Variants in MRTFA observed in about 807,000 individuals in gnomAD.
MRTFA encodes the protein myocardin related transcription factor A.
Under a neutral mutation model 83.5 loss-of-function variants are expected in MRTFA, and 20 were observed. That is an observed-to-expected ratio of 0.24 (90% confidence interval 0.17 to 0.35). The LOEUF is 0.35. Ranked by LOEUF, MRTFA falls within the 10% of genes least tolerant of loss-of-function variation. MRTFA has a pLI of 1.00. For synonymous variants in MRTFA, 659 were observed against 541.2 expected, an observed-to-expected ratio of 1.22 and a Z score of -3.02; for missense variants, 1,200 against 1,224.7, an observed-to-expected ratio of 0.98 and a Z score of 0.30.
At chr22:40,551,469 T>C (rs1400523986) in intron 3 of MRTFA, among the ~76,000 whole-genome samples, 1 of 152,118 alleles carries the variant, frequency 6.6e-6, no homozygotes, top group East Asian at 1.9e-4. Flanking sequence ...CCTAGTTCAA[T>C]CGATCCTCCC....
chr22:40,425,750 C>G (rs926782346), intron 7 of MRTFA, among the ~76,000 whole-genome samples: 2 of 152,246 alleles, frequency 1.3e-5, no homozygotes, highest in African/African-American at 4.8e-5. Flanking sequence ...GGGACAGCAG[C>G]CCCATGGCAG....
chr22:40,557,019 T>C (rs903355384), intron 2 of MRTFA, among the ~76,000 whole-genome samples: 3 of 152,190 alleles, frequency 2.0e-5, no homozygotes, highest in African/African-American at 7.2e-5. Flanking sequence ...TCATTATGGA[T>C]TGTAAGAGTT....
intron 1 of MRTFA, among the ~76,000 whole-genome samples, chr22:40,622,390 A>C (rs1343570641): frequency 6.6e-6 from 1 of 150,844 alleles, no homozygotes; most frequent in African/African-American, 2.4e-5. Context: ...CTGAGGCAGG[A>C]GAATCACTTA....
chr22:40,411,260 G>A lies in MRTFA; in HGVS notation c.*130C>T, dbSNP rs970170051. 2.8e-5 allele frequency: 29 copies of A among 1,027,814 alleles called. No homozygotes were observed. The highest frequency in any genetic ancestry group is 3.2e-5 in the Non-Finnish European group (23 of 722,080). 63.7% of individuals were successfully genotyped at this position (1,027,814 alleles called of 1,614,324 possible). ...GGCTTCTCTGTTCTAGCCTCCCAGGGAAGGGAAAAAGCAGGGGCTGTGATT... is the reference window on the plus strand; with the variant it reads ...GGCTTCTCTGTTCTAGCCTCCCAGGAAAGGGAAAAAGCAGGGGCTGTGATT... On this transcript the variant is annotated 3_prime_UTR_variant, in exon 15 of 15. Coordinates refer to ENST00000355630, the MANE Select transcript of MRTFA (RefSeq NM_020831.6).
intron 2 of MRTFA, among the ~76,000 whole-genome samples, chr22:40,576,821 CT>C (rs935169532): frequency 8.5e-5 from 13 of 152,180 alleles, no homozygotes; most frequent in African/African-American, 2.4e-4. Context: ...TGGCTCACAC[CT>C]GTAATCCCAA....
At chr22:40,531,889 G>C (rs1415264791) in intron 3 of MRTFA, among the ~76,000 whole-genome samples, 1 of 152,150 alleles carries the variant, frequency 6.6e-6, no homozygotes, top group Non-Finnish European at 1.5e-5. Context: ...TGATCATATA[G>C]GAGACAGGTA....
At chr22:40,546,927 G>A (rs972788048) in intron 3 of MRTFA, among the ~76,000 whole-genome samples, 15 of 152,088 alleles carry the variant, frequency 9.9e-5, no homozygotes, top group African/African-American at 2.4e-4. Flanking sequence ...AGGCCGAGGC[G>A]GGAGGATCAC....
At chr22:40,578,853 G>A (rs1029389708) in intron 2 of MRTFA, among the ~76,000 whole-genome samples, 2 of 150,150 alleles carry the variant, frequency 1.3e-5, no homozygotes, top group African/African-American at 4.8e-5. Flanking sequence ...AGCCCAGGAA[G>A]TCAAGGCTGC....
chr22:40,508,020 G>C (rs1303816538), intron 3 of MRTFA, among the ~76,000 whole-genome samples: 1 of 134,124 alleles, frequency 7.5e-6, no homozygotes, highest in African/African-American at 2.8e-5. Flanking sequence ...TATATATAAA[G>C]TACGTAGAAC....
chr22:40,489,542 G>C (rs772758742), intron 3 of MRTFA, among the ~76,000 whole-genome samples: 25 of 151,732 alleles, frequency 1.6e-4, no homozygotes, highest in Non-Finnish European at 3.7e-4. Context: ...CGAAATGCTG[G>C]GCTAAAGTGA....
intron 4 of MRTFA, among the ~76,000 whole-genome samples, chr22:40,451,617 G>C (rs2053488058): frequency 6.6e-6 from 1 of 152,204 alleles, no homozygotes; most frequent in South Asian, 2.1e-4. Flanking sequence ...GCTCAAGACT[G>C]AGACAGGTGA....
At chr22:40,620,693 G>A (rs2056512304) in intron 1 of MRTFA, among the ~76,000 whole-genome samples, 1 of 152,064 alleles carries the variant, frequency 6.6e-6, no homozygotes, top group South Asian at 2.1e-4. Flanking sequence ...TGTGACTCAT[G>A]AATTCCTTCA....
chr22:40,467,165 T>C (rs1177960367), intron 3 of MRTFA, among the ~76,000 whole-genome samples: 2 of 152,144 alleles, frequency 1.3e-5, no homozygotes, highest in African/African-American at 4.8e-5. Flanking sequence ...CCCACTCAAA[T>C]AACAGAATTA....
At chr22:40,628,118 T>C (rs1204680561) in intron 1 of MRTFA, among the ~76,000 whole-genome samples, 2 of 152,224 alleles carry the variant, frequency 1.3e-5, no homozygotes, top group Non-Finnish European at 2.9e-5. Context: ...ATGTCTACTA[T>C]AAAGTAGATG....
rs80088091 is a variant in MRTFA, at chr22:40,606,640, T to G, written c.-83-11905A>C. The stretch of plus-strand genomic sequence containing the variant: ...GAACTAATAATAGGTAAGTTTTTGT[T>G]TGTGTGTGTGTGCATGTGTATATGC... On this transcript the variant is annotated intron_variant, in intron 1 of 14. Coordinates refer to ENST00000355630, the MANE Select transcript of MRTFA (RefSeq NM_020831.6). 1.1e-3 allele frequency among the ~76,000 whole-genome samples: 174 copies of G among 152,228 alleles called. 1 individual carries two copies. The highest frequency in any genetic ancestry group is 0.011 in the East Asian group (59 of 5,190).
intron 4 of MRTFA, among the ~76,000 whole-genome samples, chr22:40,456,554 G>A (rs911071844): frequency 6.6e-6 from 1 of 152,128 alleles, no homozygotes; most frequent in Non-Finnish European, 1.5e-5. Context: ...TGGACGTGCT[G>A]GCCCGCACCT....
At chr22:40,600,411 G>A (rs982541792) in intron 1 of MRTFA, among the ~76,000 whole-genome samples, 1 of 152,050 alleles carries the variant, frequency 6.6e-6, no homozygotes, top group Non-Finnish European at 1.5e-5. Flanking sequence ...TTTCCTTTCC[G>A]ATTATCGGTG....
chr22:40,421,851 C>T (rs565907468), intron 9 of MRTFA, among the ~76,000 whole-genome samples: 6 of 152,152 alleles, frequency 3.9e-5, no homozygotes, highest in Admixed American at 6.5e-5. Context: ...CAGACAAAAG[C>T]GTACAAGGCT....
At chr22:40,426,041 T>A (rs1159160128) in intron 7 of MRTFA, among the ~76,000 whole-genome samples, 1 of 152,044 alleles carries the variant, frequency 6.6e-6, no homozygotes, top group Admixed American at 6.6e-5. Flanking sequence ...CTCAGAGAAG[T>A]CTTCCTGGAG....
Sources: gnomAD v4.1 joint callset for allele counts (sites outside exome capture counted in the v4.1 genomes callset) on GRCh38, gnomAD v4.1.1 for gene constraint, MANE v1.5 for transcripts, NCBI Gene and HGNC (gene_info 2026-07-23, HGNC 2026-07-21) for gene names.